ZNF277: variants seen among roughly 807,000 people sequenced by gnomAD.
ZNF277 encodes nuclear receptor-interacting factor 4.
In ZNF277, 55 loss-of-function variants were observed where a neutral mutation model predicts 60.7. The observed-to-expected ratio is 0.91, with a 90% confidence interval of 0.73 to 1.13. The LOEUF is 1.13. Among genes scored for constraint, ZNF277 ranks in the 50% most tolerant of loss-of-function variants. The pLI is 0.00. For synonymous variants in ZNF277, 178 were observed against 179.3 expected, an observed-to-expected ratio of 0.99 and a Z score of 0.06; for missense variants, 510 against 523.0, an observed-to-expected ratio of 0.98 and a Z score of 0.24.
intron 1 of ZNF277, among the ~76,000 whole-genome samples, chr7:112,262,504 A>T (rs1352160429): frequency 6.6e-6 from 1 of 152,128 alleles, no homozygotes; most frequent in Non-Finnish European, 1.5e-5. Flanking sequence ...TTTATTTATG[A>T]AAAAAGTACA....
chr7:112,235,641 A>G (rs1822467914), intron 1 of ZNF277, among the ~76,000 whole-genome samples: 1 of 152,030 alleles, frequency 6.6e-6, no homozygotes. Flanking sequence ...AGTTCTTTAT[A>G]CATTCTGGAT....
chr7:112,257,486 C>CGG (rs1424812548), intron 1 of ZNF277, among the ~76,000 whole-genome samples: 1 of 152,110 alleles, frequency 6.6e-6, no homozygotes, highest in Non-Finnish European at 1.5e-5. Flanking sequence ...TGCAAGGGAC[C>CGG]TGCCAGGTAA....
At chr7:112,259,242 A>G (rs1159478529) in intron 1 of ZNF277, among the ~76,000 whole-genome samples, 1 of 152,194 alleles carries the variant, frequency 6.6e-6, no homozygotes, top group African/African-American at 2.4e-5. Flanking sequence ...ATATTTTTGC[A>G]TAAATTAAAC....
intron 1 of ZNF277, among the ~76,000 whole-genome samples, chr7:112,271,687 A>G (rs1016186676): frequency 6.6e-6 from 1 of 152,226 alleles, no homozygotes; most frequent in Non-Finnish European, 1.5e-5. Context: ...GAAATGGAGG[A>G]CATGAATCTA....
At chr7:112,279,759 A>G (rs1260985359) in intron 1 of ZNF277, among the ~76,000 whole-genome samples, 1 of 152,208 alleles carries the variant, frequency 6.6e-6, no homozygotes, top group Non-Finnish European at 1.5e-5. Flanking sequence ...TAACTATAAA[A>G]TAAGCTAGAA....
intron 4 of ZNF277, among the ~76,000 whole-genome samples, chr7:112,309,159 A>G (rs1434353972): frequency 6.6e-6 from 1 of 151,940 alleles, no homozygotes; most frequent in Non-Finnish European, 1.5e-5. Context: ...TTGGGGTGGC[A>G]TGTTCTGAAC....
Position 112,225,780 on chromosome 7 carries a change from C to T in ZNF277, c.91+18973C>T, listed in dbSNP as rs144964968. Among the ~76,000 whole-genome samples, 6 of 152,116 alleles carry T rather than the reference C, an allele frequency of 3.9e-5. No individual in the cohort carries two copies. The East Asian group carries it at 5.8e-4, about 15-fold the overall frequency. On this transcript the variant is annotated intron_variant, in intron 1 of 11. Transcript: ENST00000361822. ...ATGTTCTCTTGTTTTTTTCACTATGCTATTGAATTAGGCAAGGCCAATGTA... is the reference window on the plus strand; with the variant it reads ...ATGTTCTCTTGTTTTTTTCACTATGTTATTGAATTAGGCAAGGCCAATGTA...
At chr7:112,215,790 CT>C (rs1003841006) in intron 1 of ZNF277, among the ~76,000 whole-genome samples, 8 of 152,078 alleles carry the variant, frequency 5.3e-5, no homozygotes, top group Admixed American at 2.0e-4. Flanking sequence ...CTTTAAAAAA[CT>C]TTTTTTAGTG....
chr7:112,339,767 G>C, intron 9 of ZNF277, 76 bp from the exon 10 acceptor site: 1 of 1,432,226 alleles, frequency 7.0e-7, no homozygotes, highest in South Asian at 1.2e-5. Context: ...AAACTCCTGT[G>C]AATAAGTTGT....
intron 1 of ZNF277, among the ~76,000 whole-genome samples, chr7:112,238,139 A>G (rs1425207331): frequency 2.0e-5 from 3 of 152,200 alleles, no homozygotes; most frequent in Non-Finnish European, 4.4e-5. Flanking sequence ...TTAACATCAC[A>G]TCAACGAAAA....
rs188886962 is a variant in ZNF277 at position 112,224,244 on chromosome 7, T to G, written c.91+17437T>G. On this transcript the variant is annotated intron_variant, in intron 1 of 11. Coordinates refer to ENST00000361822, the MANE Select transcript of ZNF277 (RefSeq NM_021994.3). ...CCCTGGGCCACATTGGAAGAAGAAT[T>G]GTCTTGGACCACACATAAAATACAC... 2.0e-3 allele frequency among the ~76,000 whole-genome samples: 305 copies of G among 152,330 alleles called. 1 individual carries two copies. Among genetic ancestry groups the G allele is most frequent in the African/African-American group, 7.0e-3 (291 of 41,576 alleles).
At chr7:112,296,896 A>AT (rs1363241398) in intron 4 of ZNF277, among the ~76,000 whole-genome samples, 1 of 27,378 alleles carries the variant, frequency 3.7e-5, no homozygotes, top group Non-Finnish European at 6.5e-5. Flanking sequence ...TATTTTATTT[A>AT]TTTATTTATT....
chr7:112,274,927 A>C (rs1791758954), intron 1 of ZNF277, among the ~76,000 whole-genome samples: 1 of 152,202 alleles, frequency 6.6e-6, no homozygotes, highest in Non-Finnish European at 1.5e-5. Context: ...TCCTCTATAG[A>C]ACCAAATAAA....
chr7:112,258,059 T>C lies in ZNF277; in HGVS notation c.92-28814T>C, dbSNP rs998176869. Among the ~76,000 whole-genome samples, 12 of 151,364 alleles carry C rather than the reference T, an allele frequency of 7.9e-5. No homozygotes were observed. The East Asian group carries it at 2.3e-3, about 29-fold the overall frequency. Reference sequence around the variant, plus strand: ...TTTTTTAAGCCAGAATATGAAATCATTTTTTTATGTCTACTCTATTCATTT... The same window carrying C: ...TTTTTTAAGCCAGAATATGAAATCACTTTTTTATGTCTACTCTATTCATTT... On this transcript the variant is annotated intron_variant, in intron 1 of 11. Transcript: ENST00000361822.
At chr7:112,275,791 C>T (rs1382607785) in intron 1 of ZNF277, among the ~76,000 whole-genome samples, 2 of 152,112 alleles carry the variant, frequency 1.3e-5, no homozygotes, top group Non-Finnish European at 2.9e-5. Flanking sequence ...CATGTATAAA[C>T]CAGAAACATT....
At chr7:112,296,908 A>ATTTATTTTTTT (rs1792356860) in intron 4 of ZNF277, among the ~76,000 whole-genome samples, 1 of 37,184 alleles carries the variant, frequency 2.7e-5, no homozygotes, top group Non-Finnish European at 4.7e-5. Flanking sequence ...TTATTTATTT[A>ATTTATTTTTTT]TTTATTTTTT....
chr7:112,298,550 G>A (rs1011191401), intron 4 of ZNF277, among the ~76,000 whole-genome samples: 6 of 152,174 alleles, frequency 3.9e-5, no homozygotes, highest in Non-Finnish European at 7.3e-5. Flanking sequence ...TGACTTTGTA[G>A]TAATAAAGAC....
At chr7:112,228,706 A>G (rs1273468628) in intron 1 of ZNF277, among the ~76,000 whole-genome samples, 1 of 152,098 alleles carries the variant, frequency 6.6e-6, no homozygotes, top group Non-Finnish European at 1.5e-5. Flanking sequence ...TACATAGTAT[A>G]TGCTAAGTTC....
intron 1 of ZNF277, among the ~76,000 whole-genome samples, chr7:112,247,866 G>A (rs1371609128): frequency 6.6e-6 from 1 of 151,924 alleles, no homozygotes; most frequent in Non-Finnish European, 1.5e-5. Context: ...TACTTGGGGG[G>A]CTGAGGCAGG....
Sources: gnomAD v4.1 joint callset for allele counts (sites outside exome capture counted in the v4.1 genomes callset) on GRCh38, gnomAD v4.1.1 for gene constraint, MANE v1.5 for transcripts, NCBI Gene and HGNC (gene_info 2026-07-23, HGNC 2026-07-21) for gene names.